The following MITF variants were observed in gnomAD, a reference collection of about 807,000 sequenced individuals.
MITF encodes melanocyte inducing transcription factor.
A neutral mutation model predicts 60.5 loss-of-function variants in MITF; 17 were observed. That is an observed-to-expected ratio of 0.28 (90% CI 0.19 to 0.42). MITF has a LOEUF of 0.42. Ranked by LOEUF, MITF falls within the 10% of genes least tolerant of loss-of-function variation. The pLI, the probability that MITF is intolerant of heterozygous loss-of-function variation, is 1.00. For synonymous variants in MITF, 260 were observed against 248.5 expected (o/e 1.05, Z -0.43); for missense variants, 622 against 683.5 (o/e 0.91, Z 1.00).
At chr3:69,870,845 A>G (rs1252928147) in intron 1 of MITF, among the ~76,000 whole-genome samples, 1 of 152,136 alleles carries the variant, frequency 6.6e-6, no homozygotes, top group African/African-American at 2.4e-5. Flanking sequence ...AGCCAAAACA[A>G]AGAGAAAATA....
intron 1 of MITF, chr3:69,866,136 A>G (rs1428375938): frequency 4.2e-6 from 6 of 1,423,670 alleles, no homozygotes; most frequent in Non-Finnish European, 5.6e-6. Context: ...GCTGTTGCAG[A>G]CAGAAACCAG....
At chr3:69,816,878 A>G (rs1187475349) in intron 1 of MITF, among the ~76,000 whole-genome samples, 1 of 152,208 alleles carries the variant, frequency 6.6e-6, no homozygotes, top group Non-Finnish European at 1.5e-5. Context: ...AGGATGTTAC[A>G]TAGAAAAAAA....
intron 1 of MITF, among the ~76,000 whole-genome samples, chr3:69,754,846 A>G (rs1024372121): frequency 4.6e-5 from 7 of 152,078 alleles, no homozygotes; most frequent in African/African-American, 1.4e-4. Context: ...CACAGCATCA[A>G]CAAGGTTTTT....
chr3:69,762,475 A>T (rs1174141393), intron 1 of MITF, among the ~76,000 whole-genome samples: 3 of 152,212 alleles, frequency 2.0e-5, no homozygotes, highest in Non-Finnish European at 4.4e-5. Flanking sequence ...AATGTTTAAG[A>T]TTTCCATTGA....
At chr3:69,740,956 A>G (rs1374646095) in intron 1 of MITF, among the ~76,000 whole-genome samples, 1 of 152,168 alleles carries the variant, frequency 6.6e-6, no homozygotes, top group African/African-American at 2.4e-5. Context: ...TTCTAGTGGA[A>G]AGTGCAGCCA....
At chr3:69,936,795 A>G in intron 2 of MITF, 1 of 1,576,782 alleles carries the variant, frequency 6.3e-7, no homozygotes, top group Non-Finnish European at 8.7e-7. Context: ...TTTGAAATAT[A>G]ATGCAATAAA....
intron 1 of MITF, among the ~76,000 whole-genome samples, chr3:69,753,343 G>A (rs1250879726): frequency 6.6e-6 from 1 of 152,216 alleles, no homozygotes; most frequent in Non-Finnish European, 1.5e-5. Flanking sequence ...AAACTTGGAT[G>A]TCCAGGCAGA....
intron 2 of MITF, among the ~76,000 whole-genome samples, chr3:69,884,098 A>G (rs1179252002): frequency 6.6e-6 from 1 of 152,134 alleles, no homozygotes; most frequent in African/African-American, 2.4e-5. Flanking sequence ...CTCTCTCTTT[A>G]AAACTCACGT....
chr3:69,955,921 A>G (rs1451695124), intron 7 of MITF, among the ~76,000 whole-genome samples: 1 of 152,254 alleles, frequency 6.6e-6, no homozygotes, highest in Non-Finnish European at 1.5e-5. Flanking sequence ...TTGCCTTGCA[A>G]AAAATTGTAC....
intron 1 of MITF, among the ~76,000 whole-genome samples, chr3:69,837,294 T>A (rs2063555100): frequency 6.6e-6 from 1 of 152,212 alleles, no homozygotes; most frequent in Admixed American, 6.5e-5. Flanking sequence ...TAAAAGATAA[T>A]ACGTGTCCAC....
chr3:69,851,776 T>C (rs2063828235), intron 1 of MITF, among the ~76,000 whole-genome samples: 1 of 152,112 alleles, frequency 6.6e-6, no homozygotes, highest in Admixed American at 6.5e-5. Flanking sequence ...GAACGGAAGG[T>C]GAATTTTAGT....
At chr3:69,786,489 T>C (rs1398115540) in intron 1 of MITF, among the ~76,000 whole-genome samples, 1 of 152,192 alleles carries the variant, frequency 6.6e-6, no homozygotes, top group East Asian at 1.9e-4. Context: ...AAAATGAATG[T>C]ATATCCTTTT....
intron 1 of MITF, among the ~76,000 whole-genome samples, chr3:69,742,835 G>A (rs1703578153): frequency 6.6e-6 from 1 of 152,136 alleles, no homozygotes; most frequent in Admixed American, 6.5e-5. Flanking sequence ...TGATAGTGTG[G>A]CCCTTTTTTG....
chr3:69,919,524 A>G (rs1252254445), intron 2 of MITF, among the ~76,000 whole-genome samples: 1 of 152,184 alleles, frequency 6.6e-6, no homozygotes, highest in Non-Finnish European at 1.5e-5. Context: ...ACATTTGTGC[A>G]TGTATGTGCA....
intron 1 of MITF, among the ~76,000 whole-genome samples, chr3:69,871,297 A>T (rs889123327): frequency 6.6e-6 from 1 of 152,140 alleles, no homozygotes; most frequent in African/African-American, 2.4e-5. Flanking sequence ...CCCTTACTTG[A>T]TTGTCTTGGG....
chr3:69,838,498 C>T (rs1272037984), intron 1 of MITF: 1 of 152,596 alleles, frequency 6.6e-6, no homozygotes, highest in Non-Finnish European at 1.5e-5. Flanking sequence ...AAACCAGACG[C>T]ATATGTAGTA....
chr3:69,952,160 CTT>C (rs2066272108), intron 7 of MITF, among the ~76,000 whole-genome samples: 1 of 151,634 alleles, frequency 6.6e-6, no homozygotes, highest in Non-Finnish European at 1.5e-5. Flanking sequence ...CTCTCTCTCT[CTT>C]TTTGGTAAGA....
At chr3:69,785,791 A>T (rs1025245179) in intron 1 of MITF, among the ~76,000 whole-genome samples, 1 of 152,164 alleles carries the variant, frequency 6.6e-6, no homozygotes, top group African/African-American at 2.4e-5. Context: ...CATCTACTGA[A>T]TGGTCAAGGG....
chr3:69,763,905 GA>G, intron 1 of MITF: 1 of 1,375,514 alleles, frequency 7.3e-7, no homozygotes, highest in Non-Finnish European at 9.7e-7. Context: ...CTGTGAAAAG[GA>G]AACCAGGAAA....
Sources: allele counts gnomAD v4.1 joint callset (sites outside exome capture counted in the v4.1 genomes callset), GRCh38; gene constraint gnomAD v4.1.1; transcripts MANE v1.5; gene names NCBI Gene and HGNC (gene_info 2026-07-23, HGNC 2026-07-21).